The following ANXA7 variants were observed in gnomAD, a reference collection of about 807,000 sequenced individuals.
ANXA7 encodes annexin A7, also known as annexin VII.
A neutral mutation model predicts 64.9 loss-of-function variants in ANXA7; 55 were observed. The ratio of observed to expected loss-of-function variants is 0.85; its 90% CI spans 0.68 to 1.06. The LOEUF is 1.06. Among genes scored for constraint, ANXA7 ranks in the 50% least tolerant of loss-of-function variants. The probability of loss-of-function intolerance (pLI) is 0.00; values close to 1 mark genes in which losing one functional copy is unlikely to be tolerated. For synonymous variants in ANXA7, 200 were observed against 192.4 expected, an observed-to-expected ratio of 1.04 and a Z score of -0.33; for missense variants, 548 against 582.1, an observed-to-expected ratio of 0.94 and a Z score of 0.60.
intron 5 of ANXA7, among the ~76,000 whole-genome samples, chr10:73,390,577 G>A (rs2055454680): frequency 6.6e-6 from 1 of 151,492 alleles, no homozygotes; most frequent in African/African-American, 2.4e-5. Flanking sequence ...TGTAACCGCT[G>A]TCACTAAAAT....
intron 12 of ANXA7, among the ~76,000 whole-genome samples, chr10:73,378,377 C>CAAAAA (rs755093944): frequency 3.2e-5 from 2 of 63,150 alleles, no homozygotes; most frequent in South Asian, 6.5e-4. Context: ...GACCATGTCT[C>CAAAAA]AAAAAAAAAA....
intron 5 of ANXA7, among the ~76,000 whole-genome samples, chr10:73,392,569 T>C (rs927694614): frequency 5.9e-5 from 9 of 152,162 alleles, no homozygotes; most frequent in African/African-American, 2.2e-4. Context: ...GTAAATGTAA[T>C]CCAGCATATA....
intron 3 of ANXA7, 27 bp downstream of exon 3, chr10:73,398,154 T>C (rs757237643): frequency 1.9e-5 from 30 of 1,594,908 alleles, no homozygotes; most frequent in South Asian, 1.8e-4. Context: ...ATCCCAATCA[T>C]TACTAATTCC....
chr10:73,403,881 T>C (rs1438101591), intron 1 of ANXA7, among the ~76,000 whole-genome samples: 1 of 152,250 alleles, frequency 6.6e-6, no homozygotes, highest in Non-Finnish European at 1.5e-5. Context: ...CATTTCTTCA[T>C]CTATAAAATG....
At chr10:73,382,920 G>T (rs575633074) in intron 9 of ANXA7, among the ~76,000 whole-genome samples, 5 of 152,280 alleles carry the variant, frequency 3.3e-5, no homozygotes, top group Admixed American at 3.3e-4. Context: ...CCCAGCCACA[G>T]AGCCTCGAAT....
chr10:73,387,864 T>C, intron 6 of ANXA7, 81 bp from the exon 7 acceptor site: 1 of 1,182,410 alleles, frequency 8.5e-7, no homozygotes, highest in Non-Finnish European at 1.2e-6. Context: ...TTTTTTTTTT[T>C]TTTTGAGACG....
chr10:73,383,381 A>C, intron 8 of ANXA7, 36 bp from the exon 9 acceptor site: 1 of 1,561,562 alleles, frequency 6.4e-7, no homozygotes, highest in Non-Finnish European at 8.7e-7. Flanking sequence ...ACAAAGAAAA[A>C]TGAAATTTCT....
In ANXA7 at chr10:73,376,006, G is replaced by C; in HGVS notation, c.*89C>G. On this transcript the variant is annotated 3_prime_UTR_variant, in exon 13 of 13. Coordinates refer to ENST00000372921, the MANE Select transcript of ANXA7 (RefSeq NM_001156.5). ...TGACAGAAAGCTCTTTCGGTTAGCT[G>C]ATGTTTGATATTGCTGCATGCAGGT... 8.8e-7 allele frequency: 1 copy of C among 1,141,048 alleles called. No homozygotes were observed. Among genetic ancestry groups the C allele is most frequent in the Admixed American group, 3.2e-5 (1 of 30,954 alleles). 70.7% of individuals were successfully genotyped at this position (1,141,048 alleles called of 1,614,324 possible).
In ANXA7 at chr10:73,396,599, AAAT is replaced by A. The variant is rs746677868; in HGVS notation, c.371-19_371-17del. 67 of 1,541,062 alleles carry A rather than the reference AAAT, an allele frequency of 4.3e-5. 1 individual carries two copies. The highest frequency in any genetic ancestry group is 3.4e-4 in the Middle Eastern group (2 of 5,828). On this transcript the variant is annotated splice_polypyrimidine_tract_variant and intron_variant, in intron 4 of 12. Transcript: ENST00000372921. The stretch of plus-strand genomic sequence containing the variant: ...GGAAAGCCACCTATAATGTTAAAAA[AAAT>A]AATAATAATACGGCAACAGGTCTTA...
intron 1 of ANXA7, among the ~76,000 whole-genome samples, chr10:73,410,108 TG>T (rs2055816241): frequency 6.6e-6 from 1 of 152,064 alleles, no homozygotes; most frequent in South Asian, 2.1e-4. Flanking sequence ...AAAAAATTCA[TG>T]ACTAAGACCC....
At chr10:73,397,130 T>C (rs746211040) in intron 4 of ANXA7, 34 bp downstream of exon 4, 1 of 1,240,696 alleles carries the variant, frequency 8.1e-7, no homozygotes, top group Non-Finnish European at 1.1e-6. Context: ...CAAAATATCA[T>C]GATACTGTTT....
At chr10:73,408,518 A>T (rs2055792772) in intron 1 of ANXA7, 1 of 152,172 alleles carries the variant, frequency 6.6e-6, no homozygotes, top group African/African-American at 2.4e-5. Flanking sequence ...TGTTCCAGTG[A>T]CAAGACCTAT....
chr10:73,398,521 G>A (rs1284461668), intron 2 of ANXA7, 136 bp from the exon 3 acceptor site: 1 of 770,026 alleles, frequency 1.3e-6, no homozygotes, highest in Non-Finnish European at 2.0e-6. Context: ...TAGAAATCCT[G>A]GTATCTTATA....
At chr10:73,386,042 C>T (rs548153218) in intron 7 of ANXA7, among the ~76,000 whole-genome samples, 44 of 152,020 alleles carry the variant, frequency 2.9e-4, no homozygotes, top group African/African-American at 7.5e-4. Flanking sequence ...GGCAAAATCC[C>T]GTCTCTACTA....
intron 1 of ANXA7, among the ~76,000 whole-genome samples, chr10:73,410,795 A>G (rs1167182651): frequency 1.3e-5 from 2 of 151,944 alleles, no homozygotes; most frequent in East Asian, 3.9e-4. Flanking sequence ...AAAAAAAAAA[A>G]AAAAAGTCAA....
At position 73,383,456 on chromosome 10, in the gene ANXA7, T is replaced by TG. The variant is rs1377796040; in HGVS notation, c.748-112dup. The TG allele has an allele frequency of 4.0e-6, 5 of 1,263,078 alleles. No individual in the cohort carries two copies. The East Asian group carries it at 1.0e-4, about 25-fold the overall frequency. The allele number at this position is 1,263,078 out of a possible 1,614,324, so 78.2% of individuals were successfully genotyped here. On this transcript the variant is annotated intron_variant, in intron 8 of 12. Transcript: ENST00000372921. ...TAGAACTAAAAACTATATATTCAGA[T>TG]GGATGATGTGAAATAAAGAATTGCT...
At chr10:73,401,064 C>T (rs1050433233) in intron 1 of ANXA7, among the ~76,000 whole-genome samples, 7 of 152,064 alleles carry the variant, frequency 4.6e-5, no homozygotes. Flanking sequence ...CGCCACCATG[C>T]CCAGCTAATT....
At chr10:73,401,096 G>A (rs2055656601) in intron 1 of ANXA7, among the ~76,000 whole-genome samples, 1 of 152,004 alleles carries the variant, frequency 6.6e-6, no homozygotes, top group African/African-American at 2.4e-5. Context: ...TGTAGAGATG[G>A]AGTTTCACCA....
intron 10 of ANXA7, 37 bp from the exon 11 acceptor site, chr10:73,379,991 C>T (rs2055248387): frequency 6.2e-7 from 1 of 1,612,548 alleles, no homozygotes; most frequent in Non-Finnish European, 8.5e-7. Flanking sequence ...ATTTTTGTAT[C>T]TTACAGCAGA....
Sources: gnomAD v4.1 joint callset for allele counts (sites outside exome capture counted in the v4.1 genomes callset) on GRCh38, gnomAD v4.1.1 for gene constraint, MANE v1.5 for transcripts, NCBI Gene and HGNC (gene_info 2026-07-23, HGNC 2026-07-21) for gene names.